MARCHF4: variants seen among roughly 807,000 people sequenced by gnomAD.
MARCHF4 encodes the protein membrane associated ring-CH-type finger 4, also known as E3 ubiquitin-protein ligase MARCHF4.
A neutral mutation model predicts 43.9 loss-of-function variants in MARCHF4; 14 were observed. The observed-to-expected ratio is 0.32, with a 90% confidence interval of 0.21 to 0.50. The LOEUF (loss-of-function observed/expected upper bound fraction) is 0.50, where lower values mean the gene tolerates loss of function less well. Ranked by LOEUF, MARCHF4 falls within the 20% of genes least tolerant of loss-of-function variation. The pLI is 0.98. For missense variants in MARCHF4, 468 were observed against 536.7 expected (o/e 0.87, Z 1.27); for synonymous variants, 226 against 213.3 (o/e 1.06, Z -0.52).
chr2:216,323,884 T>A (rs934939048), intron 1 of MARCHF4, among the ~76,000 whole-genome samples: 5 of 151,974 alleles, frequency 3.3e-5, no homozygotes, highest in African/African-American at 1.2e-4. Context: ...ATTGACACCC[T>A]AACATCACAA....
chr2:216,326,868 G>A (rs1264860868), intron 1 of MARCHF4, among the ~76,000 whole-genome samples: 4 of 151,476 alleles, frequency 2.6e-5, no homozygotes, highest in Non-Finnish European at 5.9e-5. Flanking sequence ...GCTAGATGAC[G>A]AGTTAGTGGG....
rs80063777 is a variant in MARCHF4, at chr2:216,306,673, A to G, written c.517-22944T>C. Among the ~76,000 whole-genome samples, 1,374 of 152,280 alleles carry G rather than the reference A, an allele frequency of 9.0e-3. 12 individuals carry two copies. The highest frequency in any genetic ancestry group is 0.013 in the Non-Finnish European group (899 of 68,016). On this transcript the variant is annotated intron_variant, in intron 1 of 3. Transcript: ENST00000273067. The stretch of plus-strand genomic sequence containing the variant: ...GCTCAGTATATATGGGCATCAAGTA[A>G]ACATTATCTCATTTAATCCTACAGC...
chr2:216,349,560 T>C (rs771923094), intron 1 of MARCHF4, among the ~76,000 whole-genome samples: 5 of 151,944 alleles, frequency 3.3e-5, no homozygotes, highest in Non-Finnish European at 7.4e-5. Context: ...GGGGATGATG[T>C]GAAGTGCAGG....
intron 2 of MARCHF4, among the ~76,000 whole-genome samples, chr2:216,279,208 A>G (rs1042570833): frequency 3.3e-5 from 5 of 152,238 alleles, no homozygotes; most frequent in Admixed American, 1.3e-4. Flanking sequence ...AAAGGAGGGA[A>G]GACTGCTCCC....
chr2:216,270,914 C>A (rs531274760), intron 3 of MARCHF4, among the ~76,000 whole-genome samples: 1 of 152,326 alleles, frequency 6.6e-6, no homozygotes, highest in Non-Finnish European at 1.5e-5. Flanking sequence ...TCTTGCTTAG[C>A]CTATTACAAG....
chr2:216,366,407 C>A (rs947318388), intron 1 of MARCHF4, among the ~76,000 whole-genome samples: 3 of 152,188 alleles, frequency 2.0e-5, no homozygotes, highest in Non-Finnish European at 4.4e-5. Flanking sequence ...CTGACCCCTG[C>A]TCAACATGAA....
chr2:216,322,811 C>T (rs545405657), intron 1 of MARCHF4, among the ~76,000 whole-genome samples: 117 of 152,158 alleles, frequency 7.7e-4, no homozygotes, highest in African/African-American at 2.3e-3. Flanking sequence ...GGCGACAGAG[C>T]GAGACTCCGT....
chr2:216,275,421 C>G (rs1029378632), intron 3 of MARCHF4, among the ~76,000 whole-genome samples: 11 of 152,114 alleles, frequency 7.2e-5, no homozygotes, highest in Non-Finnish European at 1.6e-4. Flanking sequence ...CACTCAAAGT[C>G]ACAGGTGGCA....
Position 216,369,985 on chromosome 2 carries a change from G to T in MARCHF4, c.276C>A (p.Gly92=), listed in dbSNP as rs897467831. ...LGAGGWAGWR[G]PREVVGREPP... is the part of the protein sequence containing the mutation. ...GCTCCCTGCCCACCACTTCTCGGGG[G>T]CCCCTCCAGCCTGCCCACCCCCCGG... The change falls in exon 1 of 4, where the codon GGC becomes GGA. Residue 92 remains glycine (G), a synonymous_variant. Coordinates refer to ENST00000273067, the MANE Select transcript of MARCHF4 (RefSeq NM_020814.3). The T allele has an allele frequency of 2.1e-5, 33 of 1,545,014 alleles. No individual in the cohort carries two copies. Among genetic ancestry groups the T allele is most frequent in the South Asian group, 5.9e-5 (5 of 85,052 alleles).
chr2:216,267,419 A>T (rs1690863542), intron 3 of MARCHF4, among the ~76,000 whole-genome samples: 2 of 152,182 alleles, frequency 1.3e-5, no homozygotes, highest in South Asian at 4.1e-4. Flanking sequence ...TGCTCTGTTT[A>T]ATTTTCTATT....
chr2:216,259,252 C>T lies in MARCHF4; in HGVS notation c.*60G>A. On this transcript the variant is annotated 3_prime_UTR_variant, in exon 4 of 4. Transcript: ENST00000273067. ...GTTGGCTCTGGGGGTGCCACTGCACCTCCCCACCCTGCTCCGGGCCCTCAG... is the reference window on the plus strand; with the variant it reads ...GTTGGCTCTGGGGGTGCCACTGCACTTCCCCACCCTGCTCCGGGCCCTCAG... 1.3e-6 allele frequency: 2 copies of T among 1,497,150 alleles called. No individual in the cohort carries two copies. Among genetic ancestry groups the T allele is most frequent in the Non-Finnish European group, 1.8e-6 (2 of 1,125,352 alleles). 92.7% of individuals were successfully genotyped at this position (1,497,150 alleles called of 1,614,324 possible).
chr2:216,282,975 T>A (rs1691154524), intron 2 of MARCHF4, among the ~76,000 whole-genome samples: 1 of 144,102 alleles, frequency 6.9e-6, no homozygotes, highest in Admixed American at 6.6e-5. Context: ...GCTCCAGACC[T>A]ACCGAATACA....
intron 1 of MARCHF4, among the ~76,000 whole-genome samples, chr2:216,363,722 C>T (rs1177459896): frequency 2.6e-5 from 4 of 152,176 alleles, no homozygotes; most frequent in African/African-American, 4.8e-5. Context: ...CTTGCTCTCC[C>T]ATCATGGTGT....
chr2:216,331,185 C>T (rs575524874), intron 1 of MARCHF4, among the ~76,000 whole-genome samples: 11 of 151,922 alleles, frequency 7.2e-5, no homozygotes, highest in South Asian at 2.1e-4. Flanking sequence ...TTAAATTCAC[C>T]GCAAACCTTT....
At chr2:216,311,665 A>G (rs1574472338) in intron 1 of MARCHF4, among the ~76,000 whole-genome samples, 1 of 152,318 alleles carries the variant, frequency 6.6e-6, no homozygotes, top group East Asian at 1.9e-4. Context: ...ATAAGATTAG[A>G]AATCAGTAGG....
intron 3 of MARCHF4, among the ~76,000 whole-genome samples, chr2:216,270,839 T>A (rs955889705): frequency 6.6e-6 from 1 of 151,914 alleles, no homozygotes; most frequent in African/African-American, 2.4e-5. Flanking sequence ...CAAATCTACA[T>A]CCTAAGTACC....
chr2:216,284,313 T>TGGAGGAGTTGGAATCAGAGAGGC (rs1691184186), intron 1 of MARCHF4, among the ~76,000 whole-genome samples: 1 of 152,110 alleles, frequency 6.6e-6, no homozygotes, highest in Non-Finnish European at 1.5e-5. Context: ...AAGCCCAGTT[T>TGGAGGAGTTGGAATCAGAGAGGC]GGAGGAGTTG....
chr2:216,329,102 C>T (rs570278035), intron 1 of MARCHF4, among the ~76,000 whole-genome samples: 41 of 152,178 alleles, frequency 2.7e-4, no homozygotes, highest in African/African-American at 8.9e-4. Context: ...AACACCCGGC[C>T]GGGCGCGGTG....
intron 3 of MARCHF4, among the ~76,000 whole-genome samples, chr2:216,260,740 T>G (rs1308697385): frequency 6.6e-6 from 1 of 152,174 alleles, no homozygotes; most frequent in East Asian, 1.9e-4. Flanking sequence ...TGGGAAGCTA[T>G]TGACGGTTTC....
Sources: gnomAD v4.1 joint callset for allele counts (sites outside exome capture counted in the v4.1 genomes callset) on GRCh38, gnomAD v4.1.1 for gene constraint, MANE v1.5 for transcripts, NCBI Gene and HGNC (gene_info 2026-07-23, HGNC 2026-07-21) for gene names.